The following LHFPL6 variants were observed in gnomAD, a reference collection of about 807,000 sequenced individuals.
LHFPL6 encodes the protein LHFPL tetraspan subfamily member 6 protein.
A neutral mutation model predicts 20.6 loss-of-function variants in LHFPL6; 9 were observed. That is an observed-to-expected ratio of 0.44 (90% CI 0.26 to 0.76). LHFPL6 has a LOEUF of 0.76. Among genes scored for constraint, LHFPL6 ranks in the 30% least tolerant of loss-of-function variants. The pLI, the probability that LHFPL6 is intolerant of heterozygous loss-of-function variation, is 0.20. For synonymous variants in LHFPL6, 105 were observed against 98.7 expected (o/e 1.06, Z -0.38); for missense variants, 218 against 253.5 (o/e 0.86, Z 0.95).
At chr13:39,372,388 C>CA (rs11421843) in intron 3 of LHFPL6, among the ~76,000 whole-genome samples, 104,485 of 152,054 alleles carry the variant, frequency 0.69, 36,020 homozygotes, top group East Asian at 0.78. Flanking sequence ...CGATTTTTTT[C>CA]AAGTATGCTC....
intron 2 of LHFPL6, among the ~76,000 whole-genome samples, chr13:39,463,930 T>C (rs1242816804): frequency 1.3e-5 from 2 of 152,154 alleles, no homozygotes; most frequent in Admixed American, 6.5e-5. Context: ...ACCTAACATA[T>C]TGATGCTGAT....
chr13:39,559,805 A>C (rs1871414937), intron 2 of LHFPL6, among the ~76,000 whole-genome samples: 1 of 152,210 alleles, frequency 6.6e-6, no homozygotes, highest in South Asian at 2.1e-4. Flanking sequence ...CTTCTCAACT[A>C]TATTATTAAT....
At chr13:39,504,043 T>TA (rs1204750770) in intron 2 of LHFPL6, among the ~76,000 whole-genome samples, 10 of 152,332 alleles carry the variant, frequency 6.6e-5, no homozygotes, top group Non-Finnish European at 1.3e-4. Flanking sequence ...CCATCACTTT[T>TA]AATGGCAAAA....
chr13:39,574,856 G>C (rs1244635606), intron 2 of LHFPL6, among the ~76,000 whole-genome samples: 7 of 152,112 alleles, frequency 4.6e-5, no homozygotes, highest in Non-Finnish European at 1.0e-4. Flanking sequence ...TGGATTACCC[G>C]AGGTCAGGAG....
chr13:39,550,122 G>T (rs1398632759), intron 2 of LHFPL6, among the ~76,000 whole-genome samples: 1 of 152,112 alleles, frequency 6.6e-6, no homozygotes, highest in Non-Finnish European at 1.5e-5. Flanking sequence ...AGGGGAAATT[G>T]TATGATACAT....
At position 39,370,007 on chromosome 13, in the gene LHFPL6, T is replaced by C. The variant is rs73451058; in HGVS notation, c.484+8421A>G. Among the ~76,000 whole-genome samples, 635 of 152,272 alleles carry C rather than the reference T, an allele frequency of 4.2e-3. 6 individuals carry two copies. The highest frequency in any genetic ancestry group is 0.015 in the African/African-American group (610 of 41,540). ...GCTCTGATTTTGAAAACGTGGAACC[T>C]ACTGGAATGGGCAGGTTGAATGAAC... On this transcript the variant is annotated intron_variant, in intron 3 of 3. Transcript: ENST00000379589.
intron 3 of LHFPL6, among the ~76,000 whole-genome samples, chr13:39,356,221 T>C (rs1869722050): frequency 6.6e-6 from 1 of 152,192 alleles, no homozygotes; most frequent in South Asian, 2.1e-4. Context: ...ACCATGAAGA[T>C]CTCTCAAAAC....
In LHFPL6 at chr13:39,424,466, G is replaced by A. The variant is rs370797354; in HGVS notation, c.386-45940C>T. On this transcript the variant is annotated intron_variant, in intron 2 of 3. Coordinates refer to ENST00000379589, the MANE Select transcript of LHFPL6 (RefSeq NM_005780.3). ...GCAACTGCGCCAGGAGCTCAGCCTC[G>A]TATGGTTGATAATGTGGGCTATGAA... Among the ~76,000 whole-genome samples the A allele has an allele frequency of 5.3e-5, 8 of 152,282 alleles. No homozygotes were observed. In the South Asian group the frequency reaches 6.2e-4, roughly 12 times the overall value.
chr13:39,519,846 GGA>G (rs1491477332), intron 2 of LHFPL6, among the ~76,000 whole-genome samples: 2 of 150,944 alleles, frequency 1.3e-5, no homozygotes, highest in Non-Finnish European at 3.0e-5. Flanking sequence ...AACCAAGGGG[GGA>G]AAAAAATAAT....
At chr13:39,410,721 G>A (rs1038646897) in intron 2 of LHFPL6, among the ~76,000 whole-genome samples, 1 of 152,084 alleles carries the variant, frequency 6.6e-6, no homozygotes. Context: ...CCTCCCAGAG[G>A]ACACCCCCAC....
chr13:39,552,368 G>C (rs1871165026), intron 2 of LHFPL6, among the ~76,000 whole-genome samples: 1 of 152,040 alleles, frequency 6.6e-6, no homozygotes, highest in South Asian at 2.1e-4. Flanking sequence ...TTTTCAAAAA[G>C]TCTCTTTGTT....
At chr13:39,384,505 C>T (rs1331142629) in intron 2 of LHFPL6, among the ~76,000 whole-genome samples, 1 of 152,154 alleles carries the variant, frequency 6.6e-6, no homozygotes, top group Non-Finnish European at 1.5e-5. Flanking sequence ...TGTTCATTTC[C>T]AGCAGTGTTA....
chr13:39,350,770 G>T (rs924303591), intron 3 of LHFPL6, among the ~76,000 whole-genome samples: 2 of 152,144 alleles, frequency 1.3e-5, no homozygotes, highest in Non-Finnish European at 2.9e-5. Context: ...GAGGTTAATG[G>T]GACAGAAAGC....
At chr13:39,379,344 G>A (rs984358539) in intron 2 of LHFPL6, among the ~76,000 whole-genome samples, 1 of 152,168 alleles carries the variant, frequency 6.6e-6, no homozygotes, top group Non-Finnish European at 1.5e-5. Context: ...TAATCTGAAA[G>A]TAAGATCTTG....
chr13:39,567,839 T>A (rs1192681880), intron 2 of LHFPL6, among the ~76,000 whole-genome samples: 1 of 152,236 alleles, frequency 6.6e-6, no homozygotes, highest in Non-Finnish European at 1.5e-5. Flanking sequence ...TCCCATTCAT[T>A]TACAAAGTGT....
intron 2 of LHFPL6, among the ~76,000 whole-genome samples, chr13:39,500,828 A>C (rs1869269669): frequency 6.6e-6 from 1 of 152,232 alleles, no homozygotes; most frequent in African/African-American, 2.4e-5. Context: ...ACATAGTATT[A>C]AACATAAATT....
chr13:39,427,966 T>G (rs1871688193), intron 2 of LHFPL6, among the ~76,000 whole-genome samples: 1 of 152,228 alleles, frequency 6.6e-6, no homozygotes, highest in African/African-American at 2.4e-5. Flanking sequence ...CCATGTGAAG[T>G]GCTGGCTCCC....
chr13:39,456,189 G>A (rs753046699), intron 2 of LHFPL6, among the ~76,000 whole-genome samples: 4 of 152,158 alleles, frequency 2.6e-5, no homozygotes, highest in Non-Finnish European at 5.9e-5. Context: ...CATCTTCCTG[G>A]GGATAATCTG....
intron 2 of LHFPL6, among the ~76,000 whole-genome samples, chr13:39,393,826 T>C (rs557241100): frequency 6.6e-6 from 1 of 152,190 alleles, no homozygotes; most frequent in Non-Finnish European, 1.5e-5. Flanking sequence ...GCAGTTTGGT[T>C]TCTTGTGAGG....
Sources: allele counts gnomAD v4.1 joint callset (sites outside exome capture counted in the v4.1 genomes callset), GRCh38; gene constraint gnomAD v4.1.1; transcripts MANE v1.5; gene names NCBI Gene and HGNC (gene_info 2026-07-23, HGNC 2026-07-21).